Variants in DRC3 observed in about 807,000 individuals in gnomAD.
DRC3 encodes leucine rich repeat containing 48.
In DRC3, 45 loss-of-function variants were observed where a neutral mutation model predicts 57.6. The ratio of observed to expected loss-of-function variants is 0.78; its 90% CI spans 0.62 to 1.00. The LOEUF (loss-of-function observed/expected upper bound fraction) is 1.00, where lower values mean the gene tolerates loss of function less well. Among genes scored for constraint, DRC3 ranks in the 50% least tolerant of loss-of-function variants. The probability of loss-of-function intolerance (pLI) is 0.00; values close to 1 mark genes in which losing one functional copy is unlikely to be tolerated. For missense variants in DRC3, 655 were observed against 675.2 expected (o/e 0.97, Z 0.33); for synonymous variants, 257 against 272.3 (o/e 0.94, Z 0.55).
intron 12 of DRC3, 152 bp from the exon 13 acceptor site, chr17:18,015,910 GAA>G: frequency 1.3e-6 from 1 of 746,438 alleles, no homozygotes; most frequent in South Asian, 1.8e-5. Flanking sequence ...ATTCACAGAT[GAA>G]TCGGCAGAGT....
chr17:18,016,873 TA>T lies in DRC3; in HGVS notation c.*218del, dbSNP rs5819640. The T allele has an allele frequency of 0.11, 33,174 of 301,242 alleles. 191 individuals are homozygous for T. The highest frequency in any genetic ancestry group is 0.13 in the Non-Finnish European group (20,362 of 161,706). 18.7% of individuals were successfully genotyped at this position (301,242 alleles called of 1,614,324 possible). A position where few individuals can be genotyped will look rare whatever the true frequency, so the allele number is the denominator to read the frequency against. Reference sequence around the variant, plus strand: ...ACTCATTTCACATTTCCCCTACTCATAAAAAAAAAAAAAAAATCAGCTGGGT... The same window carrying T: ...ACTCATTTCACATTTCCCCTACTCATAAAAAAAAAAAAAAATCAGCTGGGT... On this transcript the variant is annotated 3_prime_UTR_variant, in exon 14 of 14. Coordinates refer to ENST00000399187, the MANE Select transcript of DRC3 (RefSeq NM_031294.4).
intron 3 of DRC3, among the ~76,000 whole-genome samples, chr17:17,983,034 T>C (rs1020333878): frequency 6.6e-6 from 1 of 151,668 alleles, no homozygotes; most frequent in African/African-American, 2.4e-5. Flanking sequence ...TATTTACTTA[T>C]ACATATGTGT....
intron 9 of DRC3, among the ~76,000 whole-genome samples, chr17:17,999,329 C>T (rs1442272625): frequency 6.6e-6 from 1 of 152,192 alleles, no homozygotes; most frequent in African/African-American, 2.4e-5. Context: ...CATGCGGAGT[C>T]CCTGGGCCCT....
chr17:17,987,782 A>C, intron 4 of DRC3, 150 bp from the exon 5 acceptor site: 1 of 734,124 alleles, frequency 1.4e-6, no homozygotes. Flanking sequence ...CTTCTAAAAA[A>C]ATCACAAACT....
At chr17:17,998,880 C>T (rs1446550268) in intron 9 of DRC3, among the ~76,000 whole-genome samples, 2 of 152,308 alleles carry the variant, frequency 1.3e-5, no homozygotes, top group East Asian at 1.9e-4. Context: ...TAAAACATTT[C>T]GAACATCCTG....
At chr17:18,006,131 C>A in intron 10 of DRC3, 52 bp from the exon 11 acceptor site, 1 of 1,377,732 alleles carries the variant, frequency 7.3e-7, no homozygotes. Flanking sequence ...ACCTTTTGCT[C>A]TGTGCTGGAC....
chr17:17,977,443 C>T, intron 2 of DRC3, 139 bp from the exon 3 acceptor site: 2 of 985,610 alleles, frequency 2.0e-6, no homozygotes, highest in Non-Finnish European at 3.0e-6. Context: ...CCCCGAGATG[C>T]AGCAGACCCA....
chr17:17,981,871 A>G (rs1347677090), intron 3 of DRC3, among the ~76,000 whole-genome samples: 2 of 151,696 alleles, frequency 1.3e-5, no homozygotes, highest in Non-Finnish European at 2.9e-5. Flanking sequence ...TTTTTATTAT[A>G]GAGACAGTGT....
chr17:17,987,288 T>C (rs979541583), intron 4 of DRC3, among the ~76,000 whole-genome samples: 1 of 142,572 alleles, frequency 7.0e-6, no homozygotes, highest in Non-Finnish European at 1.5e-5. Context: ...AAAGTCTCGG[T>C]TGGGGTTGAG....
chr17:18,013,466 TAAA>T (rs776048647), intron 12 of DRC3, among the ~76,000 whole-genome samples: 1 of 152,026 alleles, frequency 6.6e-6, no homozygotes, highest in Non-Finnish European at 1.5e-5. Context: ...TATTCAGCCA[TAAA>T]AAAAGAATGA....
intron 12 of DRC3, chr17:18,015,614 ACCC>A: frequency 1.3e-5 from 2 of 157,780 alleles, no homozygotes; most frequent in Admixed American, 6.1e-5. Flanking sequence ...TGGGGTGAAC[ACCC>A]ATGAGTTTGT....
intron 11 of DRC3, chr17:18,006,718 C>G (rs1597634167): frequency 2.6e-6 from 1 of 387,040 alleles, no homozygotes; most frequent in East Asian, 5.6e-5. Flanking sequence ...CTCAGGGAGA[C>G]AAGTTGTAGA....
intron 12 of DRC3, among the ~76,000 whole-genome samples, chr17:18,014,223 G>A (rs559565544): frequency 5.6e-4 from 86 of 152,258 alleles, no homozygotes; most frequent in Non-Finnish European, 9.1e-4. Flanking sequence ...CACCGTGCCC[G>A]GCCAGTGCCA....
intron 9 of DRC3, among the ~76,000 whole-genome samples, chr17:18,001,091 C>A (rs531013568): frequency 4.3e-4 from 62 of 143,940 alleles, no homozygotes; most frequent in African/African-American, 1.5e-3. Flanking sequence ...CTTTTTCTTT[C>A]TTTTTTTTTT....
chr17:17,995,001 T>A lies in DRC3; in HGVS notation c.714T>A (p.Thr238=). The A allele has an allele frequency of 6.2e-7, 1 of 1,613,564 alleles. No individual in the cohort carries two copies. The highest frequency in any genetic ancestry group is 8.5e-7 in the Non-Finnish European group (1 of 1,179,516). The part of the protein sequence containing the change: ...AQREELEKHK[T]AFVEHLNGSF... ...CCTACGTGTGTTTCTGCCTGCAGAC[T>A]GCGTTTGTGGAACACCTGAATGGCT... Residue 238 remains threonine, a splice_region_variant and synonymous_variant, in exon 8 of 14, where the codon ACT becomes ACA. Transcript: ENST00000399187.
chr17:18,014,805 G>A (rs942539661), intron 12 of DRC3, among the ~76,000 whole-genome samples: 4 of 152,130 alleles, frequency 2.6e-5, no homozygotes, highest in Admixed American at 6.5e-5. Flanking sequence ...AAGGCTCACC[G>A]AAAACAGGCT....
intron 9 of DRC3, 75 bp from the exon 10 acceptor site, chr17:18,004,287 CA>C: frequency 6.6e-7 from 1 of 1,512,260 alleles, no homozygotes; most frequent in Non-Finnish European, 9.0e-7. Context: ...TTCTTACCCA[CA>C]AAACCAAATT....
chr17:18,002,284 G>C (rs1017161016), intron 9 of DRC3, among the ~76,000 whole-genome samples: 3 of 152,196 alleles, frequency 2.0e-5, no homozygotes, highest in Admixed American at 2.0e-4. Flanking sequence ...GATCGAGCCT[G>C]GTTTTTCTCC....
rs2043864546 is a variant in DRC3 at position 18,004,319 on chromosome 17, TAC to T, written c.1000-41_1000-40del. ...AAATTGCCACCTGCCATTATCTAAT[TAC>T]ACTTAGTTGTTGATTCCTAAAGTGC... On this transcript the variant is annotated intron_variant, in intron 9 of 13. Coordinates refer to ENST00000399187, the MANE Select transcript of DRC3 (RefSeq NM_031294.4). 2.6e-6 allele frequency: 4 copies of T among 1,565,940 alleles called. No homozygotes were observed. In the African/African-American group the frequency reaches 5.4e-5, roughly 21 times the overall value.
Sources: gnomAD v4.1 joint callset for allele counts (sites outside exome capture counted in the v4.1 genomes callset) on GRCh38, gnomAD v4.1.1 for gene constraint, MANE v1.5 for transcripts, NCBI Gene and HGNC (gene_info 2026-07-23, HGNC 2026-07-21) for gene names.